The following GNG12 variants were observed in gnomAD, a reference collection of about 807,000 sequenced individuals.
GNG12 encodes guanine nucleotide-binding protein G(I)/G(S)/G(O) subunit gamma-12.
For missense variants in GNG12, 69 were observed against 83.8 expected, an observed-to-expected ratio of 0.82 and a Z score of 0.69; for synonymous variants, 28 against 29.7, an observed-to-expected ratio of 0.94 and a Z score of 0.19.
intron 1 of GNG12, among the ~76,000 whole-genome samples, chr1:67,818,413 G>GTTTTTTTTTT (rs1163831257): frequency 3.6e-5 from 3 of 83,882 alleles, no homozygotes; most frequent in South Asian, 5.9e-4. Context: ...AAGACCAGGG[G>GTTTTTTTTTT]TTTTTTTTTT....
At chr1:67,823,716 T>C (rs1646996236) in intron 1 of GNG12, among the ~76,000 whole-genome samples, 1 of 152,232 alleles carries the variant, frequency 6.6e-6, no homozygotes, top group Admixed American at 6.5e-5. Flanking sequence ...AATACATTCC[T>C]GATGGGAGGG....
chr1:67,729,077 TC>T (rs1339168838), intron 2 of GNG12, among the ~76,000 whole-genome samples: 1 of 152,246 alleles, frequency 6.6e-6, no homozygotes. Context: ...ATCCTGGCCC[TC>T]CCTTGGGCAC....
At chr1:67,821,305 G>T (rs1646983498) in intron 1 of GNG12, among the ~76,000 whole-genome samples, 1 of 151,790 alleles carries the variant, frequency 6.6e-6, no homozygotes, top group Non-Finnish European at 1.5e-5. Flanking sequence ...ATTTTCTCTG[G>T]CTGGAGGCAA....
chr1:67,752,382 AGTTTACTTT>A (rs1351099603), intron 2 of GNG12, among the ~76,000 whole-genome samples: 1 of 152,198 alleles, frequency 6.6e-6, no homozygotes, highest in Non-Finnish European at 1.5e-5. Context: ...ACATTTTGAA[AGTTTACTTT>A]GTTTACTTTG....
intron 2 of GNG12, among the ~76,000 whole-genome samples, chr1:67,714,995 T>C (rs1420970891): frequency 6.6e-6 from 1 of 152,190 alleles, no homozygotes; most frequent in Non-Finnish European, 1.5e-5. Context: ...CGATCTCGGC[T>C]CACTGCAGCC....
intron 2 of GNG12, among the ~76,000 whole-genome samples, chr1:67,766,106 G>GCACACGCACACA (rs1553157553): frequency 2.1e-5 from 3 of 139,836 alleles, no homozygotes; most frequent in Admixed American, 2.1e-4. Flanking sequence ...AGGCACACAC[G>GCACACGCACACA]CACACACACA....
At chr1:67,765,237 C>T (rs962423217) in intron 2 of GNG12, among the ~76,000 whole-genome samples, 16 of 152,000 alleles carry the variant, frequency 1.1e-4, no homozygotes, top group African/African-American at 1.7e-4. Flanking sequence ...AGCTGATGCA[C>T]GAGTAACGAT....
intron 2 of GNG12, among the ~76,000 whole-genome samples, chr1:67,771,135 C>T (rs1257677746): frequency 1.3e-5 from 2 of 152,144 alleles, no homozygotes; most frequent in Non-Finnish European, 1.5e-5. Context: ...GTACAACATA[C>T]CTCCCTGAAT....
intron 1 of GNG12, among the ~76,000 whole-genome samples, chr1:67,824,276 G>T (rs575246255): frequency 6.6e-6 from 1 of 152,202 alleles, no homozygotes; most frequent in African/African-American, 2.4e-5. Flanking sequence ...TTGGGAGGCT[G>T]AGGCTGGCAG....
At chr1:67,826,844 C>T (rs569932153) in intron 1 of GNG12, among the ~76,000 whole-genome samples, 6 of 152,264 alleles carry the variant, frequency 3.9e-5, no homozygotes, top group African/African-American at 1.2e-4. Flanking sequence ...AATAATTTAT[C>T]CCCCCAAAAC....
At chr1:67,829,185 T>G (rs1379718820) in intron 1 of GNG12, among the ~76,000 whole-genome samples, 1 of 152,196 alleles carries the variant, frequency 6.6e-6, no homozygotes, top group Non-Finnish European at 1.5e-5. Flanking sequence ...TCTTATGGTT[T>G]AAAAATAATT....
intron 2 of GNG12, among the ~76,000 whole-genome samples, chr1:67,741,496 C>A (rs1646482556): frequency 6.6e-6 from 1 of 152,178 alleles, no homozygotes. Context: ...CCTCTGTTTG[C>A]CAAGAGGGGA....
intron 2 of GNG12, among the ~76,000 whole-genome samples, chr1:67,769,509 A>G (rs940856592): frequency 1.3e-5 from 2 of 152,212 alleles, no homozygotes; most frequent in African/African-American, 4.8e-5. Flanking sequence ...CCTGATCAAA[A>G]TGCTTCCATG....
chr1:67,824,545 A>C (rs1417675227), intron 1 of GNG12, among the ~76,000 whole-genome samples: 1 of 151,886 alleles, frequency 6.6e-6, no homozygotes, highest in African/African-American at 2.4e-5. Context: ...AAGAAAAGAA[A>C]AGAAATCTTG....
chr1:67,734,291 G>C (rs1263621603), intron 2 of GNG12, among the ~76,000 whole-genome samples: 4 of 151,970 alleles, frequency 2.6e-5, no homozygotes, highest in African/African-American at 9.7e-5. Flanking sequence ...AGGAGGGTGA[G>C]GGCATGCTTC....
intron 1 of GNG12, among the ~76,000 whole-genome samples, chr1:67,795,070 G>A (rs1318875672): frequency 6.6e-6 from 1 of 152,218 alleles, no homozygotes; most frequent in African/African-American, 2.4e-5. Flanking sequence ...GTCTACAAGT[G>A]TAGAGTTAGG....
intron 1 of GNG12, among the ~76,000 whole-genome samples, chr1:67,828,716 T>C (rs972565559): frequency 6.6e-6 from 1 of 152,234 alleles, no homozygotes; most frequent in African/African-American, 2.4e-5. Flanking sequence ...CAGGCCTGGA[T>C]CTGGGAAGTC....
intron 1 of GNG12, among the ~76,000 whole-genome samples, chr1:67,794,460 G>A (rs1045072124): frequency 6.6e-6 from 1 of 152,088 alleles, no homozygotes; most frequent in Non-Finnish European, 1.5e-5. Context: ...GAACTGTGAC[G>A]GCCACTTGCT....
chr1:67,766,085 CAA>C (rs1017448069), intron 2 of GNG12, among the ~76,000 whole-genome samples: 3 of 148,078 alleles, frequency 2.0e-5, no homozygotes, highest in African/African-American at 7.5e-5. Flanking sequence ...GGCAAAAACT[CAA>C]ACAAAACAAG....
Sources: allele counts gnomAD v4.1 joint callset (sites outside exome capture counted in the v4.1 genomes callset), GRCh38; gene constraint gnomAD v4.1.1; transcripts MANE v1.5; gene names NCBI Gene and HGNC (gene_info 2026-07-23, HGNC 2026-07-21).